The following CPOX variants were observed in gnomAD, a reference collection of about 807,000 sequenced individuals.
CPOX encodes the protein coproporphyrinogen oxidase, also known as oxygen-dependent coproporphyrinogen-III oxidase, mitochondrial.
Under a neutral mutation model 48.9 loss-of-function variants are expected in CPOX, and 24 were observed. The observed-to-expected ratio is 0.49, with a 90% CI of 0.36 to 0.69. The LOEUF is 0.69. Ranked by LOEUF, CPOX falls within the 30% of genes least tolerant of loss-of-function variation. CPOX has a pLI of 0.00. For missense variants in CPOX, 549 were observed against 597.3 expected, an observed-to-expected ratio of 0.92 and a Z score of 0.84; for synonymous variants, 249 against 234.6, an observed-to-expected ratio of 1.06 and a Z score of -0.56.
intron 3 of CPOX, 137 bp downstream of exon 3, chr3:98,590,495 A>G (rs1036466800): frequency 4.2e-6 from 3 of 719,852 alleles, no homozygotes; most frequent in Admixed American, 2.0e-5. Flanking sequence ...GCACTTGCCA[A>G]GAAATTGCCT....
Position 98,585,523 on chromosome 3 carries a change from A to C in CPOX, c.1090T>G (p.Ser364Ala). 6.2e-7 allele frequency: 1 copy of C among 1,614,130 alleles called. No homozygotes were observed. Among genetic ancestry groups the C allele is most frequent in the Non-Finnish European group, 8.5e-7 (1 of 1,180,046 alleles). ...VQSCARAVVP[S>A]YIPLVKKHCD... ...TGCTTTTTCACAAGGGGAATGTAAG[A>C]AGGAACTACAGCCCTGGCACAGCTC... The change falls in exon 5 of 7, where the codon TCT becomes GCT. Residue 364 changes from serine (S) to alanine (A), a missense_variant. By Grantham distance (99) the Ser-to-Ala change is moderately conservative. Transcript: ENST00000647941.
rs1002143275 is a variant in CPOX at position 98,593,325 on chromosome 3, G to A, written c.180C>T (p.Arg60=). The change falls in exon 1 of 7, where the codon CGC becomes CGT. Residue 60 remains arginine, a synonymous_variant. Coordinates refer to ENST00000647941, the MANE Select transcript of CPOX (RefSeq NM_000097.7). The part of the protein sequence containing the change: ...PPGPAGTEQS[R]GLGHGSTSRG... ...TCGACGTCGAGCCGTGCCCCAGCCCGCGGCTCTGCTCCGTGCCAGCCGGGC... is the reference window on the plus strand; with the variant it reads ...TCGACGTCGAGCCGTGCCCCAGCCCACGGCTCTGCTCCGTGCCAGCCGGGC... 5.6e-6 allele frequency: 8 copies of A among 1,433,204 alleles called. No individual in the cohort carries two copies. In the African/African-American group the frequency reaches 1.2e-4, roughly 21 times the overall value. The allele number at this position is 1,433,204 out of a possible 1,614,324, so 88.8% of individuals were successfully genotyped here.
intron 4 of CPOX, among the ~76,000 whole-genome samples, chr3:98,586,527 T>C (rs1457398718): frequency 6.6e-6 from 1 of 152,124 alleles, no homozygotes; most frequent in Admixed American, 6.5e-5. Flanking sequence ...TCAGATGATA[T>C]CTTTTATTAT....
downstream of CPOX, among the ~76,000 whole-genome samples, chr3:98,578,024 T>G (rs990216996): frequency 1.3e-5 from 2 of 152,158 alleles, no homozygotes; most frequent in African/African-American, 4.8e-5. Flanking sequence ...AAAAATTTGC[T>G]CCAGAGAATT....
At chr3:98,572,778 T>C in the CPOX span, among the ~76,000 whole-genome samples, 1 of 152,172 alleles carries the variant, frequency 6.6e-6, no homozygotes, top group African/African-American at 2.4e-5. Context: ...TTATGGTCAT[T>C]ATATTCTTTC....
downstream of CPOX, among the ~76,000 whole-genome samples, chr3:98,576,203 C>T (rs1357093262): frequency 2.6e-5 from 4 of 151,774 alleles, no homozygotes; most frequent in African/African-American, 7.3e-5. Flanking sequence ...TTAATTGACT[C>T]ATAGTTCAGC....
At chr3:98,574,691 C>T (rs986010829), downstream of CPOX, among the ~76,000 whole-genome samples, 6 of 152,174 alleles carry the variant, frequency 3.9e-5, no homozygotes, top group Middle Eastern at 3.2e-3. Flanking sequence ...AAGCGATTCT[C>T]CTGCCTCAGC....
intron 6 of CPOX, 28 bp from the exon 7 acceptor site, chr3:98,580,798 A>C (rs762032357): frequency 6.2e-7 from 1 of 1,613,524 alleles, no homozygotes; most frequent in African/African-American, 1.3e-5. Flanking sequence ...AAAAGCAAAA[A>C]ACGTCATAAA....
rs1707245680 is a variant in CPOX, at chr3:98,580,849, T to TA, written c.1278-80dup. On this transcript the variant is annotated intron_variant, in intron 6 of 6. Transcript: ENST00000647941. ...CTCTTTACTTAAAATAAATGAAAAA[T>TA]AAAATCCTAAGAATAAAAAAAAAAA... is the stretch of plus-strand genomic sequence containing the variant. 53 of 1,451,608 alleles carry TA rather than the reference T, an allele frequency of 3.7e-5. 1 individual carries two copies. In the South Asian group the frequency reaches 6.6e-4, roughly 18 times the overall value. 89.9% of individuals were successfully genotyped at this position (1,451,608 alleles called of 1,614,324 possible). A position where few individuals can be genotyped will look rare whatever the true frequency, so the allele number is the denominator to read the frequency against.
At chr3:98,591,406 T>TA (rs1238541508) in intron 1 of CPOX, among the ~76,000 whole-genome samples, 2 of 152,238 alleles carry the variant, frequency 1.3e-5, no homozygotes, top group Non-Finnish European at 2.9e-5. Flanking sequence ...TCATCTAAAA[T>TA]AAATCACTGG....
At chr3:98,573,597 C>T in the CPOX span, among the ~76,000 whole-genome samples, 1 of 152,080 alleles carries the variant, frequency 6.6e-6, no homozygotes, top group Non-Finnish European at 1.5e-5. Context: ...AACAAAAAAC[C>T]CCCTGCAGAT....
chr3:98,583,968 T>C (rs1028025490), intron 5 of CPOX, among the ~76,000 whole-genome samples: 10 of 152,168 alleles, frequency 6.6e-5, no homozygotes, highest in African/African-American at 2.2e-4. Context: ...AGAAAATTAA[T>C]CTACTACCCC....
Position 98,585,440 on chromosome 3 carries a change from C to G in CPOX, c.1172+1G>C. On this transcript the variant is annotated splice_donor_variant, in intron 5 of 6. Transcript: ENST00000647941. LOFTEE classifies it high-confidence loss of function. ...AAAGAATTCGTTTTCCAGTCACTTA[C>G]CGTCCTCTTCTGAGCTGCTGCCACA... The G allele has an allele frequency of 6.2e-7, 1 of 1,613,412 alleles. No individual in the cohort carries two copies. The highest frequency in any genetic ancestry group is 8.5e-7 in the Non-Finnish European group (1 of 1,179,644).
intron 4 of CPOX, among the ~76,000 whole-genome samples, chr3:98,586,138 C>G (rs1463831634): frequency 6.6e-6 from 1 of 152,152 alleles, no homozygotes; most frequent in Admixed American, 6.5e-5. Context: ...TCCCAAAGTG[C>G]TGGGATTACA....
intron 5 of CPOX, 41 bp from the exon 6 acceptor site, chr3:98,581,552 T>TA (rs1707259987): frequency 1.3e-6 from 2 of 1,487,326 alleles, no homozygotes; most frequent in Non-Finnish European, 1.9e-6. Flanking sequence ...GCCAGCTCAA[T>TA]AAAATCTTAA....
Position 98,580,591 on chromosome 3 carries a change from G to C in CPOX, c.*92C>G. 2 of 1,598,814 alleles carry C rather than the reference G, an allele frequency of 1.3e-6. No individual in the cohort carries two copies. Among genetic ancestry groups the C allele is most frequent in the Non-Finnish European group, 1.7e-6 (2 of 1,172,322 alleles). ...CAGAGTGGAGAAGACTAAGGCACGG[G>C]TAACTGCCACACAGTGGCAAAGTGC... On this transcript the variant is annotated 3_prime_UTR_variant, in exon 7 of 7. Coordinates refer to ENST00000647941, the MANE Select transcript of CPOX (RefSeq NM_000097.7).
intron 5 of CPOX, among the ~76,000 whole-genome samples, chr3:98,584,806 A>T (rs1008218942): frequency 2.6e-5 from 4 of 152,178 alleles, no homozygotes; most frequent in Admixed American, 1.3e-4. Context: ...GGTTAAAGTG[A>T]GTATCATGGT....
chr3:98,581,597 G>GAAGAACCCACCCCT, intron 5 of CPOX, 86 bp from the exon 6 acceptor site: 1 of 1,086,738 alleles, frequency 9.2e-7, no homozygotes, highest in Non-Finnish European at 1.4e-6. Context: ...AAAGGGGTGG[G>GAAGAACCCACCCCT]TTCTTCCCCC....
At chr3:98,572,044 G>C in the CPOX span, among the ~76,000 whole-genome samples, 1 of 152,142 alleles carries the variant, frequency 6.6e-6, no homozygotes, top group Non-Finnish European at 1.5e-5. Context: ...TCAGGGTTCA[G>C]AGTTCAAAAT....
Sources: gnomAD v4.1 joint callset for allele counts (sites outside exome capture counted in the v4.1 genomes callset) on GRCh38, gnomAD v4.1.1 for gene constraint, MANE v1.5 for transcripts, NCBI Gene and HGNC (gene_info 2026-07-23, HGNC 2026-07-21) for gene names.